TDRD7: variants seen among roughly 807,000 people sequenced by gnomAD.
TDRD7 encodes the protein tudor domain-containing protein 7.
Under a neutral mutation model 109.8 loss-of-function variants are expected in TDRD7, and 47 were observed. The observed-to-expected ratio is 0.43, with a 90% confidence interval of 0.34 to 0.55. The LOEUF (loss-of-function observed/expected upper bound fraction) is 0.55, where lower values mean the gene tolerates loss of function less well. Ranked by LOEUF, TDRD7 falls within the 20% of genes least tolerant of loss-of-function variation. The pLI is 0.03. For missense variants in TDRD7, 1,164 were observed against 1,319.2 expected, an observed-to-expected ratio of 0.88 and a Z score of 1.82; for synonymous variants, 424 against 457.3, an observed-to-expected ratio of 0.93 and a Z score of 0.93.
Position 97,432,102 on chromosome 9 carries a change from T to G in TDRD7, c.427T>G (p.Leu143Val), listed in dbSNP as rs1828113705. ...SVGKKPNPAPLRDKGNSVGVK... is the reference protein window; with the variant it reads ...SVGKKPNPAPVRDKGNSVGVK... The stretch of plus-strand genomic sequence containing the variant: ...TGGCAAAAAACCTAATCCAGCACCG[T>G]TAAGAGACAAAGGAAACTCTGTTGG... Residue 143 changes from leucine (L) to valine (V), a missense_variant, in exon 4 of 17, where the codon TTA becomes GTA. By Grantham distance (32) the Leu-to-Val change is conservative. Transcript: ENST00000355295. 2 of 1,613,852 alleles carry G rather than the reference T, an allele frequency of 1.2e-6. No individual in the cohort carries two copies. Among genetic ancestry groups the G allele is most frequent in the African/African-American group, 2.7e-5 (2 of 75,004 alleles).
intron 9 of TDRD7, among the ~76,000 whole-genome samples, chr9:97,471,607 G>A (rs1828914580): frequency 6.6e-6 from 1 of 152,174 alleles, no homozygotes; most frequent in Non-Finnish European, 1.5e-5. Flanking sequence ...TGGATTTAAA[G>A]TAGAAAAATA....
chr9:97,493,864 GC>G (rs1829346239), intron 16 of TDRD7, among the ~76,000 whole-genome samples: 1 of 152,108 alleles, frequency 6.6e-6, no homozygotes, highest in Non-Finnish European at 1.5e-5. Flanking sequence ...GCTCTGTTCC[GC>G]CCGGCTTACT....
intron 6 of TDRD7, among the ~76,000 whole-genome samples, chr9:97,451,607 A>G (rs1002216857): frequency 4.6e-5 from 7 of 152,218 alleles, no homozygotes; most frequent in Non-Finnish European, 1.0e-4. Context: ...CTTCATAGTA[A>G]ACCAGTAAAC....
chr9:97,417,115 A>G (rs780144042), intron 1 of TDRD7, among the ~76,000 whole-genome samples: 3 of 152,154 alleles, frequency 2.0e-5, no homozygotes, highest in Non-Finnish European at 4.4e-5. Context: ...CCTGGAGTCA[A>G]TATGTCCCAG....
At chr9:97,440,257 A>G (rs1828278890) in intron 5 of TDRD7, among the ~76,000 whole-genome samples, 1 of 152,230 alleles carries the variant, frequency 6.6e-6, no homozygotes, top group Non-Finnish European at 1.5e-5. Context: ...TTCACCTGGC[A>G]GAGCTGATAG....
At chr9:97,469,523 G>A (rs1476137279) in intron 8 of TDRD7, among the ~76,000 whole-genome samples, 1 of 152,144 alleles carries the variant, frequency 6.6e-6, no homozygotes, top group Non-Finnish European at 1.5e-5. Flanking sequence ...GTACTAAGAA[G>A]CTGGCCTGTG....
At chr9:97,431,882 C>T in intron 3 of TDRD7, 143 bp from the exon 4 acceptor site, 1 of 783,202 alleles carries the variant, frequency 1.3e-6, no homozygotes. Context: ...TGTTGACCAG[C>T]CCTCCAGTGG....
chr9:97,449,075 G>A (rs575580243), intron 6 of TDRD7, among the ~76,000 whole-genome samples: 7 of 152,212 alleles, frequency 4.6e-5, no homozygotes, highest in Non-Finnish European at 1.0e-4. Context: ...TTCTAGGCGT[G>A]TAGGATGAAG....
chr9:97,472,386 C>G lies in TDRD7; in HGVS notation c.1835C>G (p.Ala612Gly). 6.2e-7 allele frequency: 1 copy of G among 1,613,854 alleles called. No homozygotes were observed. The highest frequency in any genetic ancestry group is 8.5e-7 in the Non-Finnish European group (1 of 1,179,814). Residue 612 changes from alanine to glycine, a missense_variant, in exon 10 of 17, where the codon GCT (alanine) becomes GGT (glycine). This residue lies in a region of TDRD7 where 261 missense variants were observed against 336.2 expected (regional missense o/e 0.78). Coordinates refer to ENST00000355295, the MANE Select transcript of TDRD7 (RefSeq NM_014290.3). ...KIFAVEILDK[A>G]DIPLVVLYDT... ...TTTGCAGTGGAAATACTTGACAAAG[C>G]TGACATTCCACTTGTTGTTCTGTAC...
rs367699728 is a variant in TDRD7 at position 97,480,327 on chromosome 9, GC to G, written c.2302-499del. The stretch of plus-strand genomic sequence containing the variant: ...CTCACCCTCCTTAGTTCTCATTACA[GC>G]CTTGTTCAAAAGGCAAACAAATGTG... On this transcript the variant is annotated intron_variant, in intron 13 of 16. Coordinates refer to ENST00000355295, the MANE Select transcript of TDRD7 (RefSeq NM_014290.3). 120 of 195,836 alleles carry G rather than the reference GC, an allele frequency of 6.1e-4. 2 individuals carry two copies. The East Asian group carries it at 0.014, about 22-fold the overall frequency. 12.1% of individuals were successfully genotyped at this position (195,836 alleles called of 1,614,324 possible). A position where few individuals can be genotyped will look rare whatever the true frequency, so the allele number is the denominator to read the frequency against.
intron 9 of TDRD7, among the ~76,000 whole-genome samples, chr9:97,471,819 G>A (rs1828918920): frequency 1.3e-5 from 2 of 152,040 alleles, no homozygotes. Flanking sequence ...AGGTTCTTTG[G>A]TATCCTAAGG....
At chr9:97,426,175 C>A (rs1275493545) in intron 1 of TDRD7, among the ~76,000 whole-genome samples, 2 of 152,190 alleles carry the variant, frequency 1.3e-5, no homozygotes, top group Non-Finnish European at 2.9e-5. Flanking sequence ...AGGCCTAGGA[C>A]ATTACTGTAC....
At chr9:97,427,439 A>T (rs768861249) in intron 1 of TDRD7, among the ~76,000 whole-genome samples, 3 of 152,064 alleles carry the variant, frequency 2.0e-5, no homozygotes, top group African/African-American at 7.3e-5. Context: ...GCAGAGGTCC[A>T]TCTGTAACCT....
At chr9:97,483,817 A>G (rs1346828446) in intron 15 of TDRD7, among the ~76,000 whole-genome samples, 1 of 152,150 alleles carries the variant, frequency 6.6e-6, no homozygotes, top group Non-Finnish European at 1.5e-5. Flanking sequence ...ATTAGTATGT[A>G]TAATTTTGTA....
intron 13 of TDRD7, among the ~76,000 whole-genome samples, chr9:97,480,106 A>G (rs1235222798): frequency 6.6e-6 from 1 of 152,224 alleles, no homozygotes; most frequent in Non-Finnish European, 1.5e-5. Flanking sequence ...AGGAAAAGGA[A>G]TCCTGGAACT....
chr9:97,489,141 A>T (rs1393128767), intron 16 of TDRD7, among the ~76,000 whole-genome samples: 3 of 152,228 alleles, frequency 2.0e-5, no homozygotes, highest in Non-Finnish European at 4.4e-5. Context: ...TATTCTATAG[A>T]TGTTAATTAC....
intron 1 of TDRD7, among the ~76,000 whole-genome samples, chr9:97,418,671 T>C (rs1827851190): frequency 6.6e-6 from 1 of 151,450 alleles, no homozygotes; most frequent in African/African-American, 2.4e-5. Flanking sequence ...GTGGAAGGAG[T>C]GGAAGGCTTT....
intron 6 of TDRD7, among the ~76,000 whole-genome samples, chr9:97,453,845 GCTGA>G (rs1471340365): frequency 8.5e-5 from 13 of 152,160 alleles, no homozygotes; most frequent in Non-Finnish European, 1.8e-4. Flanking sequence ...AACAAGAAGA[GCTGA>G]CTATTCTAAA....
intron 3 of TDRD7, among the ~76,000 whole-genome samples, chr9:97,431,563 A>G (rs933654068): frequency 2.0e-5 from 3 of 152,176 alleles, no homozygotes; most frequent in African/African-American, 7.2e-5. Context: ...CTAAATTCCC[A>G]TGAAGTGGTT....
Sources: gnomAD v4.1 joint callset for allele counts (sites outside exome capture counted in the v4.1 genomes callset) on GRCh38, gnomAD v4.1.1 for gene constraint, gnomAD v4.1.1 regional missense constraint, MANE v1.5 for transcripts, NCBI Gene and HGNC (gene_info 2026-07-23, HGNC 2026-07-21) for gene names.